B3GALT1: variants seen among roughly 807,000 people sequenced by gnomAD.
B3GALT1 encodes UDP-Gal:betaGlcNAc beta 1,3-galactosyltransferase, polypeptide 1.
Under a neutral mutation model 23.2 loss-of-function variants are expected in B3GALT1, and 10 were observed. The observed-to-expected ratio is 0.43, with a 90% CI of 0.27 to 0.73. B3GALT1 has a LOEUF of 0.73. Ranked by LOEUF, B3GALT1 falls within the 30% of genes least tolerant of loss-of-function variation. B3GALT1 has a pLI of 0.21. For synonymous variants in B3GALT1, 156 were observed against 141.5 expected (o/e 1.10, Z -0.73); for missense variants, 299 against 405.4 (o/e 0.74, Z 2.25).
At chr2:167,597,170 C>A (rs1964366) in intron 2 of B3GALT1, among the ~76,000 whole-genome samples, 3,171 of 148,636 alleles carry the variant, frequency 0.021, 125 homozygotes, top group African/African-American at 0.074. Context: ...GGCTGGAGTG[C>A]AGTGGCGGAA....
In B3GALT1 at chr2:167,427,419, A is replaced by G. The variant is rs74862840; in HGVS notation, c.-510-62758A>G. 5.1e-3 allele frequency among the ~76,000 whole-genome samples: 772 copies of G among 152,358 alleles called. 8 individuals carry two copies. Among genetic ancestry groups the G allele is most frequent in the African/African-American group, 0.018 (737 of 41,578 alleles). ...TTAATATTTATAAAAGGTTCATACC[A>G]TGGAAGCCACCAACAAAAAATGTCA... On this transcript the variant is annotated intron_variant, in intron 1 of 4. Transcript: ENST00000392690.
At chr2:167,780,499 A>G (rs1688228935) in intron 3 of B3GALT1, among the ~76,000 whole-genome samples, 1 of 152,212 alleles carries the variant, frequency 6.6e-6, no homozygotes, top group Non-Finnish European at 1.5e-5. Context: ...TAGGTAGTCA[A>G]TTCCAACAAC....
chr2:167,786,799 G>T (rs969801285), intron 3 of B3GALT1, among the ~76,000 whole-genome samples: 3 of 152,146 alleles, frequency 2.0e-5, no homozygotes, highest in African/African-American at 7.2e-5. Flanking sequence ...AGCAGGAATG[G>T]TTCTTACCCC....
At chr2:167,411,553 T>C (rs187712864) in intron 1 of B3GALT1, among the ~76,000 whole-genome samples, 47 of 152,236 alleles carry the variant, frequency 3.1e-4, no homozygotes, top group African/African-American at 1.0e-3. Context: ...CTTGTATCAA[T>C]AGACAGGCAA....
intron 2 of B3GALT1, among the ~76,000 whole-genome samples, chr2:167,550,389 C>T (rs1683724757): frequency 6.6e-6 from 1 of 152,170 alleles, no homozygotes; most frequent in South Asian, 2.1e-4. Flanking sequence ...GAACCTGTGG[C>T]ATTTTGACTA....
intron 3 of B3GALT1, among the ~76,000 whole-genome samples, chr2:167,759,374 A>T (rs1687865897): frequency 6.6e-6 from 1 of 152,178 alleles, no homozygotes; most frequent in Non-Finnish European, 1.5e-5. Flanking sequence ...AATGGGTTGA[A>T]CCGCTACATA....
At chr2:167,522,072 A>G (rs1399582577) in intron 2 of B3GALT1, among the ~76,000 whole-genome samples, 2 of 149,920 alleles carry the variant, frequency 1.3e-5, no homozygotes, top group Non-Finnish European at 3.0e-5. Context: ...ATGTGGCCCA[A>G]AATATATTAG....
intron 3 of B3GALT1, among the ~76,000 whole-genome samples, chr2:167,655,122 T>G (rs1434557621): frequency 6.6e-6 from 1 of 152,210 alleles, no homozygotes; most frequent in African/African-American, 2.4e-5. Flanking sequence ...TTTTTTACTA[T>G]ACTTAATGAG....
intron 3 of B3GALT1, among the ~76,000 whole-genome samples, chr2:167,677,516 C>G (rs1686449208): frequency 6.6e-6 from 1 of 152,324 alleles, no homozygotes; most frequent in South Asian, 2.1e-4. Flanking sequence ...CTGCTGACCT[C>G]AAGATTCATG....
chr2:167,841,554 A>ACC (rs1689649703), intron 4 of B3GALT1, among the ~76,000 whole-genome samples: 1 of 152,212 alleles, frequency 6.6e-6, no homozygotes, highest in South Asian at 2.1e-4. Context: ...CAATGATGTG[A>ACC]CCACACTTGC....
At chr2:167,299,303 A>G (rs938922357) in intron 1 of B3GALT1, among the ~76,000 whole-genome samples, 1 of 152,158 alleles carries the variant, frequency 6.6e-6, no homozygotes, top group Non-Finnish European at 1.5e-5. Context: ...GTAAATTTAG[A>G]TACTACTAGA....
At position 167,873,544 on chromosome 2, in the gene B3GALT1, T is replaced by A. The variant is rs1244721275; in HGVS notation, c.*3524T>A. The stretch of plus-strand genomic sequence containing the variant: ...TCTGGGATTCATTTTTTACCTTTCC[T>A]AATATGTGGGTTTAGTGGGAGAATT... On this transcript the variant is annotated 3_prime_UTR_variant, in exon 5 of 5. Coordinates refer to ENST00000392690, the MANE Select transcript of B3GALT1 (RefSeq NM_020981.4). The A allele has an allele frequency of 6.6e-6, 1 of 152,234 alleles. No homozygotes were observed. The highest frequency in any genetic ancestry group is 1.5e-5 in the Non-Finnish European group (1 of 68,036). The allele number at this position is 152,234 out of a possible 1,614,324, so 9.4% of individuals were successfully genotyped here.
At chr2:167,794,015 T>A (rs1688495156) in intron 3 of B3GALT1, among the ~76,000 whole-genome samples, 1 of 152,162 alleles carries the variant, frequency 6.6e-6, no homozygotes, top group South Asian at 2.1e-4. Flanking sequence ...AAGGGGAAAT[T>A]TAGGATTCTC....
intron 3 of B3GALT1, among the ~76,000 whole-genome samples, chr2:167,747,817 G>A (rs1213703779): frequency 2.0e-5 from 3 of 152,148 alleles, no homozygotes; most frequent in African/African-American, 7.2e-5. Flanking sequence ...ATGGGCTAGA[G>A]GTTGTTTATT....
chr2:167,320,092 C>A lies in B3GALT1; in HGVS notation c.-511+26758C>A, dbSNP rs113778343. The stretch of plus-strand genomic sequence containing the variant: ...ACTTCTTTTTGAAATAAAATAAAAC[C>A]TGCCTTTAACAGTTAAGTCGAAGAA... On this transcript the variant is annotated intron_variant, in intron 1 of 4. Transcript: ENST00000392690. Among the ~76,000 whole-genome samples, 228 of 152,078 alleles carry A rather than the reference C, an allele frequency of 1.5e-3. 2 individuals carry two copies. The highest frequency in any genetic ancestry group is 2.7e-3 in the Non-Finnish European group (182 of 67,970).
intron 3 of B3GALT1, among the ~76,000 whole-genome samples, chr2:167,692,327 C>G (rs1686727850): frequency 6.6e-6 from 1 of 152,092 alleles, no homozygotes; most frequent in South Asian, 2.1e-4. Flanking sequence ...AGTCAATGAA[C>G]CAAGTGAGTC....
intron 1 of B3GALT1, among the ~76,000 whole-genome samples, chr2:167,351,654 A>G (rs896848635): frequency 2.0e-5 from 3 of 152,210 alleles, no homozygotes; most frequent in Non-Finnish European, 2.9e-5. Flanking sequence ...TGAATTTTTC[A>G]TGTGTAATGA....
intron 3 of B3GALT1, among the ~76,000 whole-genome samples, chr2:167,706,591 A>G (rs1175637471): frequency 1.3e-5 from 2 of 152,250 alleles, no homozygotes; most frequent in Non-Finnish European, 2.9e-5. Context: ...TTTCATTATC[A>G]GAAGACACAG....
At chr2:167,344,859 G>C (rs1016666238) in intron 1 of B3GALT1, among the ~76,000 whole-genome samples, 16 of 152,080 alleles carry the variant, frequency 1.1e-4, no homozygotes, top group African/African-American at 3.9e-4. Flanking sequence ...CTCAAAATCT[G>C]CTTAATTTTC....
Sources: allele counts gnomAD v4.1 joint callset (sites outside exome capture counted in the v4.1 genomes callset), GRCh38; gene constraint gnomAD v4.1.1; transcripts MANE v1.5; gene names NCBI Gene and HGNC (gene_info 2026-07-23, HGNC 2026-07-21).